EHBP1: variants seen among roughly 807,000 people sequenced by gnomAD.
The protein encoded by EHBP1 is EH domain-binding protein 1.
In EHBP1, 55 loss-of-function variants were observed where a neutral mutation model predicts 144.0. That is an observed-to-expected ratio of 0.38 (90% CI 0.31 to 0.48). EHBP1 has a LOEUF of 0.48. EHBP1 is among the 20% of genes least tolerant of loss of function. EHBP1 has a pLI of 0.98. For missense variants in EHBP1, 1,200 were observed against 1,364.2 expected, an observed-to-expected ratio of 0.88 and a Z score of 1.90; for synonymous variants, 469 against 472.7, an observed-to-expected ratio of 0.99 and a Z score of 0.10.
chr2:62,744,335 G>C (rs1047663734), intron 2 of EHBP1, among the ~76,000 whole-genome samples: 2 of 152,034 alleles, frequency 1.3e-5, no homozygotes, highest in African/African-American at 4.8e-5. Flanking sequence ...TTTATTGGTA[G>C]TTGGAGAAAA....
At chr2:62,790,573 A>G (rs1461097190) in intron 5 of EHBP1, among the ~76,000 whole-genome samples, 2 of 152,200 alleles carry the variant, frequency 1.3e-5, no homozygotes, top group Non-Finnish European at 2.9e-5. Flanking sequence ...CTCTACTCCT[A>G]TAAACACTTG....
At chr2:62,794,695 G>A (rs2043414302) in intron 5 of EHBP1, among the ~76,000 whole-genome samples, 2 of 151,704 alleles carry the variant, frequency 1.3e-5, no homozygotes. Context: ...ATTTACTATT[G>A]AATCTTCTTT....
chr2:62,787,400 C>T (rs1176015554), intron 5 of EHBP1, among the ~76,000 whole-genome samples: 4 of 114,468 alleles, frequency 3.5e-5, no homozygotes, highest in African/African-American at 1.3e-4. Flanking sequence ...CGCTGCCCCC[C>T]CCCCCCACCC....
At chr2:62,759,550 C>T (rs908254614) in intron 3 of EHBP1, among the ~76,000 whole-genome samples, 11 of 152,072 alleles carry the variant, frequency 7.2e-5, no homozygotes, top group South Asian at 2.1e-4. Context: ...GGATTACAGA[C>T]GCCCACCACT....
chr2:63,037,168 A>G (rs139430699), intron 19 of EHBP1, among the ~76,000 whole-genome samples: 1 of 152,068 alleles, frequency 6.6e-6, no homozygotes, highest in Non-Finnish European at 1.5e-5. Context: ...TATGAGTCTC[A>G]TAATGATTTT....
chr2:62,863,451 T>A (rs910039710), intron 8 of EHBP1, among the ~76,000 whole-genome samples: 19 of 151,996 alleles, frequency 1.3e-4, no homozygotes, highest in Non-Finnish European at 2.1e-4. Flanking sequence ...CAAAAAAAAA[T>A]AAAAATGAAA....
chr2:63,044,636 A>AG (rs1417686816), intron 21 of EHBP1: 1 of 154,252 alleles, frequency 6.5e-6, no homozygotes, highest in Non-Finnish European at 1.4e-5. Context: ...GGAGGAGGAT[A>AG]GGTTCTCAGG....
chr2:62,918,006 C>T (rs185567927), intron 10 of EHBP1, among the ~76,000 whole-genome samples: 1 of 152,064 alleles, frequency 6.6e-6, no homozygotes, highest in Non-Finnish European at 1.5e-5. Context: ...AAGCAATTCT[C>T]TTGCCTCAGC....
chr2:62,993,431 A>T lies in EHBP1; in HGVS notation c.2734-99A>T, dbSNP rs937652854. On this transcript the variant is annotated intron_variant, in intron 16 of 22. Transcript: ENST00000431489. The stretch of plus-strand genomic sequence containing the variant: ...ATCCTTTTCTTGCAAAAAGTTTCTA[A>T]ATCAGTGTTATCTTAAATCAGTAAA... 6.2e-6 allele frequency: 7 copies of T among 1,130,150 alleles called. No individual in the cohort carries two copies. The South Asian group carries it at 2.2e-4, about 35-fold the overall frequency. 70.0% of individuals were successfully genotyped at this position (1,130,150 alleles called of 1,614,324 possible).
At chr2:62,830,133 CAT>C (rs145432325) in intron 6 of EHBP1, among the ~76,000 whole-genome samples, 225 of 131,770 alleles carry the variant, frequency 1.7e-3, no homozygotes, top group Middle Eastern at 3.9e-3. Context: ...ATATGTGGTG[CAT>C]ATATATATAT....
intron 19 of EHBP1, among the ~76,000 whole-genome samples, chr2:63,004,248 A>G (rs899098022): frequency 6.6e-6 from 1 of 152,068 alleles, no homozygotes; most frequent in Non-Finnish European, 1.5e-5. Context: ...TCAGTTCACA[A>G]TTTAAGCAAA....
chr2:62,831,157 A>G lies in EHBP1; in HGVS notation c.633A>G (p.Thr211=). Residue 211 remains threonine, a splice_region_variant and synonymous_variant, in exon 7 of 23, where the codon ACA becomes ACG. Coordinates refer to ENST00000431489, the MANE Select transcript of EHBP1 (RefSeq NM_001142616.3). ...AAGAAGAAAAGGCAGCTAAAATTAC[A>G]GGTTGGTTTTATTAGCATTAAACTA... is the stretch of plus-strand genomic sequence containing the variant. ...VNQEEKAAKI[T]ELINKLNFLD... is the part of the protein sequence containing the mutation. 1 of 1,593,188 alleles carries G rather than the reference A, an allele frequency of 6.3e-7. No homozygotes were observed.
rs2042188805 is a variant in EHBP1 at position 62,778,415 on chromosome 2, A to G, written c.312+7023A>G. ...AAAAATAGCTGGGCTATGGTGATGCATGCTTGTAGACCCAACTACTTGGGA... is the reference window on the plus strand; with the variant it reads ...AAAAATAGCTGGGCTATGGTGATGCGTGCTTGTAGACCCAACTACTTGGGA... On this transcript the variant is annotated intron_variant, in intron 5 of 22. Transcript: ENST00000431489. Among the ~76,000 whole-genome samples the G allele has an allele frequency of 2.0e-5, 3 of 151,928 alleles. No individual in the cohort carries two copies. In the South Asian group the frequency reaches 6.2e-4, roughly 32 times the overall value.
At chr2:62,800,105 T>G (rs2043867276) in intron 5 of EHBP1, among the ~76,000 whole-genome samples, 1 of 152,252 alleles carries the variant, frequency 6.6e-6, no homozygotes, top group Non-Finnish European at 1.5e-5. Flanking sequence ...ATTGGGTCTT[T>G]CGTCTCCACC....
At chr2:62,810,483 G>A (rs887061186) in intron 5 of EHBP1, among the ~76,000 whole-genome samples, 3 of 152,186 alleles carry the variant, frequency 2.0e-5, no homozygotes, top group African/African-American at 7.2e-5. Context: ...AGATTGAGAG[G>A]CTTGATGGTG....
At position 63,004,197 on chromosome 2, in the gene EHBP1, A is replaced by G. The variant is rs1361132846; in HGVS notation, c.3103+7431A>G. Among the ~76,000 whole-genome samples the G allele has an allele frequency of 3.9e-5, 6 of 151,906 alleles. No homozygotes were observed. The East Asian group carries it at 7.7e-4, about 20-fold the overall frequency. ...AATTTAAAGACTGGCATGCCATCCA[A>G]TTATTAAATGGTGGATACATGGATT... is the stretch of plus-strand genomic sequence containing the variant. On this transcript the variant is annotated intron_variant, in intron 19 of 22. Transcript: ENST00000431489.
chr2:62,761,082 A>T (rs996050964), intron 3 of EHBP1, among the ~76,000 whole-genome samples: 6 of 152,192 alleles, frequency 3.9e-5, no homozygotes, highest in Non-Finnish European at 5.9e-5. Context: ...TAAGGTTGTT[A>T]TAAGTTTTCA....
chr2:62,850,522 C>T (rs559409791), intron 7 of EHBP1, among the ~76,000 whole-genome samples: 4 of 152,188 alleles, frequency 2.6e-5, no homozygotes, highest in African/African-American at 9.6e-5. Context: ...TTCTTATTCT[C>T]ATCAATGTGA....
At chr2:62,810,088 G>A (rs1402936063) in intron 5 of EHBP1, among the ~76,000 whole-genome samples, 1 of 152,084 alleles carries the variant, frequency 6.6e-6, no homozygotes, top group Non-Finnish European at 1.5e-5. Flanking sequence ...TTTTATAAGT[G>A]GTATCGTGTG....
Sources: gnomAD v4.1 joint callset for allele counts (sites outside exome capture counted in the v4.1 genomes callset) on GRCh38, gnomAD v4.1.1 for gene constraint, MANE v1.5 for transcripts, NCBI Gene and HGNC (gene_info 2026-07-23, HGNC 2026-07-21) for gene names.